SPMAP2L: variants seen among roughly 807,000 people sequenced by gnomAD.
The protein encoded by SPMAP2L is sperm microtubule associated protein 2 like.
the SPMAP2L span, among the ~76,000 whole-genome samples, chr4:56,577,002 TATA>T: frequency 1.3e-5 from 2 of 151,942 alleles, no homozygotes; most frequent in Non-Finnish European, 2.9e-5. Context: ...TCAGCTATTT[TATA>T]ATACCTTAAT....
At chr4:56,549,179 G>A in the SPMAP2L span, among the ~76,000 whole-genome samples, 1 of 151,854 alleles carries the variant, frequency 6.6e-6, no homozygotes, top group East Asian at 1.9e-4. Flanking sequence ...AGTAGAGATG[G>A]GGCTTCACCG....
At chr4:56,562,588 C>T in the SPMAP2L span, among the ~76,000 whole-genome samples, 2 of 152,278 alleles carry the variant, frequency 1.3e-5, no homozygotes, top group South Asian at 4.1e-4. Context: ...TAAATTCACT[C>T]AAGTGCTACC....
At chr4:56,540,439 A>G in the SPMAP2L span, among the ~76,000 whole-genome samples, 13 of 152,152 alleles carry the variant, frequency 8.5e-5, no homozygotes, top group African/African-American at 3.1e-4. Flanking sequence ...GCTACTCAGG[A>G]GGCTGAGGCA....
chr4:56,617,169 T>A, the SPMAP2L span, among the ~76,000 whole-genome samples: 1 of 152,272 alleles, frequency 6.6e-6, no homozygotes, highest in Non-Finnish European at 1.5e-5. Flanking sequence ...GTACAGCCTG[T>A]TGCTCCTCAG....
chr4:56,585,766 T>C, the SPMAP2L span, among the ~76,000 whole-genome samples: 3 of 152,346 alleles, frequency 2.0e-5, no homozygotes, highest in East Asian at 5.8e-4. Flanking sequence ...TTGTAGCAGC[T>C]GCTTCATCAC....
the SPMAP2L span, among the ~76,000 whole-genome samples, chr4:56,546,231 A>G: frequency 3.9e-5 from 6 of 152,154 alleles, no homozygotes; most frequent in African/African-American, 1.4e-4. Context: ...CTTTCCTCTA[A>G]CAACTTTTTG....
chr4:56,608,891 A>G, the SPMAP2L span, among the ~76,000 whole-genome samples: 2 of 152,304 alleles, frequency 1.3e-5, no homozygotes, highest in East Asian at 3.9e-4. Context: ...ACATGGAGTC[A>G]AAGAAGATCA....
At chr4:56,622,650 T>A in the SPMAP2L span, among the ~76,000 whole-genome samples, 1 of 152,168 alleles carries the variant, frequency 6.6e-6, no homozygotes, top group African/African-American at 2.4e-5. Flanking sequence ...AACCAAGTCT[T>A]CAACTCCCTC....
the SPMAP2L span, chr4:56,595,466 G>T: frequency 2.5e-6 from 4 of 1,600,016 alleles, no homozygotes; most frequent in Admixed American, 5.0e-5. Context: ...GAGGAGGGCC[G>T]CATCGACCCC....
At chr4:56,559,748 TA>T in the SPMAP2L span, among the ~76,000 whole-genome samples, 1 of 152,106 alleles carries the variant, frequency 6.6e-6, no homozygotes, top group Non-Finnish European at 1.5e-5. Flanking sequence ...TTTGTATTTT[TA>T]GTAGAGACAG....
At chr4:56,625,815 T>A in the SPMAP2L span, among the ~76,000 whole-genome samples, 2 of 152,168 alleles carry the variant, frequency 1.3e-5, no homozygotes, top group Non-Finnish European at 2.9e-5. Context: ...GGCCATGTAT[T>A]TTATTTGTAT....
the SPMAP2L span, among the ~76,000 whole-genome samples, chr4:56,537,805 G>A: frequency 3.9e-5 from 6 of 152,014 alleles, no homozygotes; most frequent in South Asian, 2.1e-4. Context: ...CCATTCTCCT[G>A]CTTCAGCCTC....
At chr4:56,585,848 A>G in the SPMAP2L span, among the ~76,000 whole-genome samples, 4 of 152,162 alleles carry the variant, frequency 2.6e-5, no homozygotes, top group Admixed American at 6.5e-5. Context: ...CACTAGCAAT[A>G]GGATCATTAA....
chr4:56,544,463 T>C, the SPMAP2L span, among the ~76,000 whole-genome samples: 1 of 151,962 alleles, frequency 6.6e-6, no homozygotes, highest in African/African-American at 2.4e-5. Flanking sequence ...CTGGAAACTA[T>C]TTTTTTTAAC....
chr4:56,547,154 T>A, the SPMAP2L span, among the ~76,000 whole-genome samples: 1 of 152,170 alleles, frequency 6.6e-6, no homozygotes, highest in African/African-American at 2.4e-5. Flanking sequence ...TAATTGTAAC[T>A]ACCATTCATC....
the SPMAP2L span, among the ~76,000 whole-genome samples, chr4:56,573,569 G>T: frequency 9.3e-3 from 1,413 of 152,252 alleles, 29 homozygotes; most frequent in South Asian, 0.067. Flanking sequence ...TTTTGCCTGA[G>T]TCTAAGGTCT....
At chr4:56,531,662 CAA>C in the SPMAP2L span, among the ~76,000 whole-genome samples, 1 of 152,156 alleles carries the variant, frequency 6.6e-6, no homozygotes, top group African/African-American at 2.4e-5. Flanking sequence ...AGCAAGTATT[CAA>C]AGAGTATGCA....
At chr4:56,563,294 G>T in the SPMAP2L span, among the ~76,000 whole-genome samples, 1 of 150,578 alleles carries the variant, frequency 6.6e-6, no homozygotes, top group Non-Finnish European at 1.5e-5. Context: ...AGTAGAGACG[G>T]GGTTTCACCA....
At chr4:56,530,733 G>A in the SPMAP2L span, 2 of 1,535,402 alleles carry the variant, frequency 1.3e-6, no homozygotes, top group Non-Finnish European at 1.7e-6. Context: ...CCGATGGGCA[G>A]GTCTCAACAG....
Sources: allele counts gnomAD v4.1 joint callset (sites outside exome capture counted in the v4.1 genomes callset), GRCh38; gene constraint gnomAD v4.1.1; transcripts MANE v1.5; gene names NCBI Gene and HGNC (gene_info 2026-07-23, HGNC 2026-07-21).